Variants in LLGL1 observed in about 807,000 individuals in gnomAD.
LLGL1 encodes the protein LLGL scribble cell polarity complex component 1, also known as lethal(2) giant larvae protein homolog 1.
Under a neutral mutation model 110.6 loss-of-function variants are expected in LLGL1, and 58 were observed. The ratio of observed to expected loss-of-function variants is 0.52; its 90% confidence interval spans 0.42 to 0.65. LLGL1 has a LOEUF of 0.65. LLGL1 is among the 30% of genes least tolerant of loss of function. The pLI, the probability that LLGL1 is intolerant of heterozygous loss-of-function variation, is 0.00. For synonymous variants in LLGL1, 674 were observed against 607.2 expected (o/e 1.11, Z -1.62); for missense variants, 1,229 against 1,462.1 (o/e 0.84, Z 2.60).
chr17:18,237,122 A>G, intron 13 of LLGL1, 183 bp downstream of exon 13: 3 of 617,812 alleles, frequency 4.9e-6, no homozygotes, highest in Non-Finnish European at 8.6e-6. Flanking sequence ...TGGGGGAACC[A>G]CAGTGTTGAG....
rs765385109 is a variant in LLGL1, at chr17:18,240,748, A to G, written c.2377A>G (p.Ile793Val). 5 of 1,611,820 alleles carry G rather than the reference A, an allele frequency of 3.1e-6. No individual in the cohort carries two copies. The East Asian group carries it at 8.9e-5, about 29-fold the overall frequency. Residue 793 changes from isoleucine (I) to valine (V), a missense_variant, in exon 17 of 23, where the codon ATT (isoleucine) becomes GTT (valine). Physicochemically the swap from Ile to Val is conservative, Grantham distance 29 (BLOSUM62 3). Transcript: ENST00000316843. The surrounding 1 kb of genome is among the most constrained non-coding windows in gnomAD (Gnocchi z 5.3). ...GATGCACCGGGCGCCTGTGGTGGCC[A>G]TTGCCGTGTTGGACGGGCGTGGCCG... Reference protein sequence around the residue: ...QLMHRAPVVAIAVLDGRGRPL... With the variant: ...QLMHRAPVVAVAVLDGRGRPL...
At position 18,237,476 on chromosome 17, in the gene LLGL1, C is replaced by A; in HGVS notation, c.1612-5C>A. On this transcript the variant is annotated splice_region_variant and splice_polypyrimidine_tract_variant and intron_variant, in intron 13 of 22. Coordinates refer to ENST00000316843, the MANE Select transcript of LLGL1 (RefSeq NM_004140.4). ...GATGCTCCCCCTGCCTGGCTGTGGG[C>A]TCAGGTGCTGGTACTGGAGCTTAGT... 6.4e-7 allele frequency: 1 copy of A among 1,571,698 alleles called. No individual in the cohort carries two copies. The highest frequency in any genetic ancestry group is 8.7e-7 in the Non-Finnish European group (1 of 1,154,660).
intron 1 of LLGL1, 133 bp downstream of exon 1, chr17:18,225,896 G>T (rs2047427194): frequency 4.4e-6 from 1 of 225,478 alleles, no homozygotes; most frequent in South Asian, 1.6e-4. Flanking sequence ...GGGCGGGGCC[G>T]GGCCGGGCCG....
rs1427641460 is a variant in LLGL1, at chr17:18,240,056, A to C, written c.2207-522A>C. On this transcript the variant is annotated intron_variant, in intron 16 of 22. Coordinates refer to ENST00000316843, the MANE Select transcript of LLGL1 (RefSeq NM_004140.4). This position sits in a 1 kb window ranked among gnomAD's most constrained non-coding sequence, Gnocchi z 5.3. Reference sequence around the variant, plus strand: ...ATGGATGGTCGTCCTAGGTGTCCCCAGGCTTGGCGGCTTCCTCTGGCTGCC... The same window carrying C: ...ATGGATGGTCGTCCTAGGTGTCCCCCGGCTTGGCGGCTTCCTCTGGCTGCC... 6.6e-6 allele frequency among the ~76,000 whole-genome samples: 1 copy of C among 152,096 alleles called. No homozygotes were observed. The highest frequency in any genetic ancestry group is 2.1e-4 in the South Asian group (1 of 4,828).
Position 18,236,003 on chromosome 17 carries a change from G to A in LLGL1, c.1352+466G>A, listed in dbSNP as rs140371665. On this transcript the variant is annotated intron_variant, in intron 11 of 22. Coordinates refer to ENST00000316843, the MANE Select transcript of LLGL1 (RefSeq NM_004140.4). ...GCTTGCCGTGGCTTTCAGGGCTGCT[G>A]GAATGAGTCTCAACCACCCCCACAG... The A allele has an allele frequency of 5.8e-3, 1,145 of 196,788 alleles. 39 individuals are homozygous for A. The highest frequency in any genetic ancestry group is 0.052 in the Admixed American group (988 of 18,836). 12.2% of individuals were successfully genotyped at this position (196,788 alleles called of 1,614,324 possible). A position where few individuals can be genotyped will look rare whatever the true frequency, so the allele number is the denominator to read the frequency against.
intron 4 of LLGL1, among the ~76,000 whole-genome samples, chr17:18,233,130 G>A (rs886849652): frequency 1.3e-4 from 20 of 152,232 alleles, no homozygotes; most frequent in Non-Finnish European, 8.8e-5. Flanking sequence ...GGTGTCTAGG[G>A]GTTTGGGGCA....
rs1177183577 is a variant in LLGL1, at chr17:18,244,468, C to T, written c.*562C>T. ...CCATGTTAGCCAGGATGGTCTCGAT[C>T]TCCTGACCTCGTGATCCACCCACCT... On this transcript the variant is annotated 3_prime_UTR_variant, in exon 23 of 23. Coordinates refer to ENST00000316843, the MANE Select transcript of LLGL1 (RefSeq NM_004140.4). 2.6e-5 allele frequency: 4 copies of T among 152,000 alleles called. No homozygotes were observed. The highest frequency in any genetic ancestry group is 7.3e-5 in the African/African-American group (3 of 41,376). 9.4% of individuals were successfully genotyped at this position (152,000 alleles called of 1,614,324 possible).
chr17:18,232,766 T>A lies in LLGL1; in HGVS notation c.356T>A (p.Phe119Tyr). Residue 119 changes from phenylalanine (F) to tyrosine (Y), a missense_variant, in exon 4 of 23, where the codon TTC becomes TAC. Transcript: ENST00000316843. ...GCAHLEEALS[F>Y]QLPSRPGFDG... ...GCCCACCTGGAAGAAGCACTCAGTT[T>A]CCAGCTGCCCAGCCGGCCCGGCTTT... The A allele has an allele frequency of 6.2e-7, 1 of 1,614,096 alleles. No individual in the cohort carries two copies. Among genetic ancestry groups the A allele is most frequent in the South Asian group, 1.1e-5 (1 of 91,086 alleles).
Position 18,236,597 on chromosome 17 carries a change from CT to C in LLGL1, c.1353-9del. ...AACTCGGGTAGCCCTGACATCTGCCCTCCCTGCAGCCATGAGGACGGCACCG... is the reference window on the plus strand; with the variant it reads ...AACTCGGGTAGCCCTGACATCTGCCCCCCTGCAGCCATGAGGACGGCACCG... On this transcript the variant is annotated splice_polypyrimidine_tract_variant and intron_variant, in intron 11 of 22. Transcript: ENST00000316843. 1 of 1,604,452 alleles carries C rather than the reference CT, an allele frequency of 6.2e-7. No individual in the cohort carries two copies. Among genetic ancestry groups the C allele is most frequent in the Non-Finnish European group, 8.5e-7 (1 of 1,174,204 alleles).
chr17:18,243,216 T>A lies in LLGL1; in HGVS notation c.*1+394T>A, dbSNP rs1169725669. ...TCTGCCTCCTGGGTTCATGCCATTC[T>A]CCTGCCTCAGCCTCCTGAGCAGCTG... On this transcript the variant is annotated intron_variant, in intron 22 of 22. Transcript: ENST00000316843. 3.3e-5 allele frequency among the ~76,000 whole-genome samples: 5 copies of A among 152,206 alleles called. No homozygotes were observed. The East Asian group carries it at 7.7e-4, about 23-fold the overall frequency.
chr17:18,240,585 C>G lies in LLGL1; in HGVS notation c.2214C>G (p.His738Gln). 6.3e-7 allele frequency: 1 copy of G among 1,594,322 alleles called. No homozygotes were observed. Among genetic ancestry groups the G allele is most frequent in the Non-Finnish European group, 8.6e-7 (1 of 1,167,064 alleles). The change falls in exon 17 of 23, where the codon CAC becomes CAG. Residue 738 changes from histidine (H) to glutamine (Q), a missense_variant. Coordinates refer to ENST00000316843, the MANE Select transcript of LLGL1 (RefSeq NM_004140.4). This position sits in a 1 kb window ranked among gnomAD's most constrained non-coding sequence, Gnocchi z 5.3. ...CGCGCTTGTTTTCTGCAGGGGCCCA[C>G]CACGGGCCCACCATGTGGGCTGGCA... ...FADTFLRDGA[H>Q]HGPTMWAGTN...
Position 18,234,006 on chromosome 17 carries a change from T to C in LLGL1, c.552-7T>C, listed in dbSNP as rs767662594. 6.9e-6 allele frequency: 11 copies of C among 1,593,832 alleles called. No individual in the cohort carries two copies. In the Admixed American group the frequency reaches 1.9e-4, roughly 27 times the overall value. On this transcript the variant is annotated splice_region_variant and splice_polypyrimidine_tract_variant and intron_variant, in intron 5 of 22. Coordinates refer to ENST00000316843, the MANE Select transcript of LLGL1 (RefSeq NM_004140.4). ...AGTTCTGCTGGCTCACCTGCCTTCC[T>C]CCACAGCGTGCCAGACGACTACCGC... is the stretch of plus-strand genomic sequence containing the variant.
In LLGL1 at chr17:18,234,948, C is replaced by T. The variant is rs1417041190; in HGVS notation, c.1015C>T (p.Arg339Cys). ...ETLVTLDFTS[R>C]IIDFFTVHST... ...ATTGGTGACGCTGGACTTCACTTCCCGCATCATCGACTTCTTCACAGTGCA... is the reference window on the plus strand; with the variant it reads ...ATTGGTGACGCTGGACTTCACTTCCTGCATCATCGACTTCTTCACAGTGCA... Residue 339 changes from arginine to cysteine, a missense_variant, in exon 9 of 23, where the codon CGC becomes TGC. By Grantham distance (180) the Arg-to-Cys change is radical. Coordinates refer to ENST00000316843, the MANE Select transcript of LLGL1 (RefSeq NM_004140.4). The T allele has an allele frequency of 1.2e-6, 2 of 1,614,056 alleles. No homozygotes were observed.
chr17:18,239,571 C>A (rs934783663), intron 16 of LLGL1, among the ~76,000 whole-genome samples: 3 of 152,234 alleles, frequency 2.0e-5, no homozygotes, highest in African/African-American at 7.2e-5. Context: ...ATGTTCCTGA[C>A]AGATGTCACT....
In LLGL1 at chr17:18,244,868, C is replaced by G. The variant is rs921174334; in HGVS notation, c.*962C>G. 1.9e-5 allele frequency: 8 copies of G among 431,378 alleles called. No individual in the cohort carries two copies. Among genetic ancestry groups the G allele is most frequent in the Non-Finnish European group, 3.3e-5 (8 of 243,860 alleles). 26.7% of individuals were successfully genotyped at this position (431,378 alleles called of 1,614,324 possible). A position where few individuals can be genotyped will look rare whatever the true frequency, so the allele number is the denominator to read the frequency against. ...TATTGAAAATAAAAGCATTTAATAT[C>G]TCTTAAAGGGCATCCACATCTGCTT... On this transcript the variant is annotated 3_prime_UTR_variant, in exon 23 of 23. Transcript: ENST00000316843.
intron 4 of LLGL1, among the ~76,000 whole-genome samples, chr17:18,233,218 A>G (rs115818295): frequency 0.01 from 1,531 of 152,160 alleles, 28 homozygotes; most frequent in African/African-American, 0.035. Context: ...TTCTGTGCAT[A>G]GGCAGGGTTG....
Position 18,236,829 on chromosome 17 carries a change from C to G in LLGL1, c.1507-6C>G, listed in dbSNP as rs1417441792. ...CTGGACTCATTACTCCTTCCCATCC[C>G]TCTAGGTGGGCTGCTTCGATCCCTA... On this transcript the variant is annotated splice_region_variant and splice_polypyrimidine_tract_variant and intron_variant, in intron 12 of 22. Transcript: ENST00000316843. The G allele has an allele frequency of 6.2e-7, 1 of 1,613,676 alleles. No individual in the cohort carries two copies. Among genetic ancestry groups the G allele is most frequent in the South Asian group, 1.1e-5 (1 of 91,054 alleles).
rs2305563 is a variant in LLGL1 at position 18,237,729 on chromosome 17, C to T, written c.1860C>T (p.Gly620=). Residue 620 remains glycine, a synonymous_variant, in exon 14 of 23, where the codon GGC becomes GGT. Coordinates refer to ENST00000316843, the MANE Select transcript of LLGL1 (RefSeq NM_004140.4). The part of the protein sequence containing the change: ...WSLVAFGTSH[G]FGLFDYQRKS... ...TCGTGGCTTTTGGCACCAGTCATGG[C>T]TTTGGCCTCTTCGACTACCAGCGCA... The T allele has an allele frequency of 8.9e-4, 1,428 of 1,612,164 alleles. 19 individuals carry two copies. The East Asian group carries it at 0.027, about 30-fold the overall frequency.
chr17:18,238,424 G>C, intron 15 of LLGL1, 32 bp from the exon 16 acceptor site: 1 of 1,591,758 alleles, frequency 6.3e-7, no homozygotes, highest in Non-Finnish European at 8.6e-7. Context: ...GGGGTGCTAG[G>C]GAGACAGTGT....
Sources: allele counts gnomAD v4.1 joint callset (sites outside exome capture counted in the v4.1 genomes callset), GRCh38; gene constraint gnomAD v4.1.1; non-coding constraint Gnocchi (gnomAD v3.1); transcripts MANE v1.5; gene names NCBI Gene and HGNC (gene_info 2026-07-23, HGNC 2026-07-21).